The following ULK4 variants were observed in gnomAD, a reference collection of about 807,000 sequenced individuals.
ULK4 encodes unc-51 like kinase 4, also known as inactive serine/threonine-protein kinase ULK4.
Under a neutral mutation model 160.6 loss-of-function variants are expected in ULK4, and 133 were observed. That is an observed-to-expected ratio of 0.83 (90% CI 0.72 to 0.96). The LOEUF is 0.96. ULK4 is among the 40% of genes least tolerant of loss of function. The probability of loss-of-function intolerance (pLI) is 0.00; values close to 1 mark genes in which losing one functional copy is unlikely to be tolerated. For synonymous variants in ULK4, 534 were observed against 539.8 expected, an observed-to-expected ratio of 0.99 and a Z score of 0.15; for missense variants, 1,580 against 1,499.5, an observed-to-expected ratio of 1.05 and a Z score of -0.89.
At chr3:41,355,306 G>GA (rs917031892) in intron 35 of ULK4, among the ~76,000 whole-genome samples, 2 of 152,140 alleles carry the variant, frequency 1.3e-5, no homozygotes, top group African/African-American at 4.8e-5. Flanking sequence ...ACCTGGGAAA[G>GA]AGATACAATC....
In ULK4 at chr3:41,396,064, T is replaced by TCCATAATAG. The variant is rs1303842961; in HGVS notation, c.3678+2014_3678+2015insCTATTATGG. The stretch of plus-strand genomic sequence containing the variant: ...GTTTTAGTAAATAACATAACTTATT[T>TCCATAATAG]CCATAATATCTGCAATTCTAAAATC... On this transcript the variant is annotated intron_variant, in intron 35 of 36. Coordinates refer to ENST00000301831, the MANE Select transcript of ULK4 (RefSeq NM_017886.4). 2.0e-5 allele frequency among the ~76,000 whole-genome samples: 3 copies of TCCATAATAG among 152,150 alleles called. 1 individual carries two copies. Among genetic ancestry groups the TCCATAATAG allele is most frequent in the Non-Finnish European group, 4.4e-5 (3 of 68,020 alleles).
chr3:41,555,347 G>C (rs532760375), intron 32 of ULK4, among the ~76,000 whole-genome samples: 3 of 148,432 alleles, frequency 2.0e-5, no homozygotes, highest in Non-Finnish European at 1.5e-5. Context: ...CCATTACAAA[G>C]TAGGCAAAGC....
intron 35 of ULK4, among the ~76,000 whole-genome samples, chr3:41,298,578 C>A (rs1224568275): frequency 6.6e-6 from 1 of 152,166 alleles, no homozygotes; most frequent in Non-Finnish European, 1.5e-5. Flanking sequence ...TCTCAGCTAC[C>A]ATAATCATGC....
chr3:41,640,635 A>C (rs758533660), intron 30 of ULK4, among the ~76,000 whole-genome samples: 5 of 152,150 alleles, frequency 3.3e-5, no homozygotes, highest in African/African-American at 9.7e-5. Context: ...AAAATGCTTA[A>C]GTCTGAGCAA....
intron 20 of ULK4, among the ~76,000 whole-genome samples, chr3:41,795,427 G>A (rs12186051): frequency 0.12 from 18,817 of 152,032 alleles, 1,331 homozygotes; most frequent in Middle Eastern, 0.27. Flanking sequence ...CTACTCACAC[G>A]TAGGGCAGGA....
chr3:41,588,830 A>G (rs1239219979), intron 31 of ULK4, among the ~76,000 whole-genome samples: 1 of 152,222 alleles, frequency 6.6e-6, no homozygotes, highest in Non-Finnish European at 1.5e-5. Context: ...CCATGGTAAT[A>G]AAGAAAACAA....
At chr3:41,393,658 C>G (rs1430748871) in intron 35 of ULK4, among the ~76,000 whole-genome samples, 1 of 152,148 alleles carries the variant, frequency 6.6e-6, no homozygotes, top group African/African-American at 2.4e-5. Flanking sequence ...GGGCAGGGAG[C>G]AGCAAGATCA....
intron 35 of ULK4, among the ~76,000 whole-genome samples, chr3:41,329,547 A>G (rs1052548114): frequency 2.0e-5 from 3 of 152,190 alleles, no homozygotes; most frequent in African/African-American, 7.2e-5. Flanking sequence ...CTCTTTTCTG[A>G]ACTTATTTTG....
At chr3:41,333,413 G>A (rs2080488047) in intron 35 of ULK4, among the ~76,000 whole-genome samples, 1 of 150,764 alleles carries the variant, frequency 6.6e-6, no homozygotes, top group Non-Finnish European at 1.5e-5. Flanking sequence ...TTAGTTCTGA[G>A]AAGTTGGATA....
At chr3:41,433,298 T>C (rs2082955842) in intron 34 of ULK4, among the ~76,000 whole-genome samples, 1 of 152,152 alleles carries the variant, frequency 6.6e-6, no homozygotes, top group Non-Finnish European at 1.5e-5. Flanking sequence ...CTATCAGGTT[T>C]CATGTGTCAG....
At chr3:41,282,939 TAAAC>T (rs143533472) in intron 35 of ULK4, among the ~76,000 whole-genome samples, 9 of 151,724 alleles carry the variant, frequency 5.9e-5, no homozygotes, top group Non-Finnish European at 1.2e-4. Context: ...ACAAAAAACT[TAAAC>T]AAATTTACAA....
rs1198869497 is a variant in ULK4 at position 41,400,424 on chromosome 3, T to C, written c.3493-2160A>G. 2.0e-5 allele frequency among the ~76,000 whole-genome samples: 3 copies of C among 152,166 alleles called. No individual in the cohort carries two copies. The South Asian group carries it at 6.2e-4, about 32-fold the overall frequency. ...TTGCCATTTTGTCATTTCAAGTATG[T>C]TACATACATGGAATCACACTGTATA... On this transcript the variant is annotated intron_variant, in intron 34 of 36. Transcript: ENST00000301831.
intron 31 of ULK4, among the ~76,000 whole-genome samples, chr3:41,570,124 T>C (rs1241883622): frequency 6.6e-6 from 1 of 152,198 alleles, no homozygotes; most frequent in Admixed American, 6.5e-5. Flanking sequence ...TGCATCTGAC[T>C]CTGAAACTGC....
intron 19 of ULK4, among the ~76,000 whole-genome samples, chr3:41,810,320 AGT>A (rs1442426487): frequency 2.0e-5 from 3 of 152,180 alleles, no homozygotes; most frequent in Non-Finnish European, 4.4e-5. Context: ...TTTGACATGC[AGT>A]GTTTCCATTA....
intron 35 of ULK4, among the ~76,000 whole-genome samples, chr3:41,361,512 G>C (rs2081143831): frequency 6.6e-6 from 1 of 152,158 alleles, no homozygotes; most frequent in Non-Finnish European, 1.5e-5. Context: ...TCCAGAACTT[G>C]TTGGACATAC....
At chr3:41,708,922 G>C (rs896245947) in intron 25 of ULK4, among the ~76,000 whole-genome samples, 7 of 152,058 alleles carry the variant, frequency 4.6e-5, no homozygotes, top group Admixed American at 2.6e-4. Flanking sequence ...TAAAGTTATA[G>C]GAAAATACTT....
At chr3:41,339,864 G>T (rs2080644733) in intron 35 of ULK4, among the ~76,000 whole-genome samples, 1 of 152,300 alleles carries the variant, frequency 6.6e-6, no homozygotes, top group East Asian at 1.9e-4. Flanking sequence ...GGGCAGTAGG[G>T]ATGGTAATGT....
At position 41,819,524 on chromosome 3, in the gene ULK4, A is replaced by G; in HGVS notation, c.1765-18T>C. 6.2e-7 allele frequency: 1 copy of G among 1,607,866 alleles called. No individual in the cohort carries two copies. Among genetic ancestry groups the G allele is most frequent in the Non-Finnish European group, 8.5e-7 (1 of 1,178,028 alleles). ...TTTTCTTCCTAAAATGAAGTGGGAAAAAAAAAGGCAGTGAAGCTAACAGCA... is the reference window on the plus strand; with the variant it reads ...TTTTCTTCCTAAAATGAAGTGGGAAGAAAAAAGGCAGTGAAGCTAACAGCA... On this transcript the variant is annotated intron_variant, in intron 18 of 36. Transcript: ENST00000301831.
chr3:41,733,046 G>A (rs2037886908), intron 22 of ULK4, among the ~76,000 whole-genome samples: 1 of 152,030 alleles, frequency 6.6e-6, no homozygotes, highest in Non-Finnish European at 1.5e-5. Context: ...TGCACAGTAA[G>A]GTGACTATTA....
Sources: gnomAD v4.1 joint callset for allele counts (sites outside exome capture counted in the v4.1 genomes callset) on GRCh38, gnomAD v4.1.1 for gene constraint, MANE v1.5 for transcripts, NCBI Gene and HGNC (gene_info 2026-07-23, HGNC 2026-07-21) for gene names.